The following RALYL variants were observed in gnomAD, a reference collection of about 807,000 sequenced individuals.
RALYL encodes the protein RNA-binding Raly-like protein.
RALYL carries 29 observed loss-of-function variants against 35.1 expected under a neutral mutation model. The ratio of observed to expected loss-of-function variants is 0.83; its 90% CI spans 0.61 to 1.13. The LOEUF (loss-of-function observed/expected upper bound fraction) is 1.13. Among genes scored for constraint, RALYL ranks in the 50% most tolerant of loss-of-function variants. The pLI is 0.00. For synonymous variants in RALYL, 120 were observed against 127.6 expected, an observed-to-expected ratio of 0.94 and a Z score of 0.40; for missense variants, 359 against 360.4, an observed-to-expected ratio of 1.00 and a Z score of 0.03.
intron 6 of RALYL, chr8:84,864,769 C>G (rs948251753): frequency 1.2e-5 from 7 of 605,428 alleles, no homozygotes; most frequent in Middle Eastern, 5.6e-4. Flanking sequence ...AAAACAGGGG[C>G]CCCTGGGCCT....
intron 2 of RALYL, among the ~76,000 whole-genome samples, chr8:84,701,910 G>A (rs1342628496): frequency 6.6e-6 from 1 of 152,100 alleles, no homozygotes; most frequent in Non-Finnish European, 1.5e-5. Context: ...CACCTCACAT[G>A]GCATGTTATG....
chr8:84,841,686 C>T (rs1411752062), intron 4 of RALYL, among the ~76,000 whole-genome samples: 3 of 152,208 alleles, frequency 2.0e-5, no homozygotes, highest in Non-Finnish European at 4.4e-5. Flanking sequence ...CACCACACCA[C>T]CCTTATTCCA....
chr8:84,646,300 G>A (rs1306397332), intron 2 of RALYL, among the ~76,000 whole-genome samples: 1 of 151,320 alleles, frequency 6.6e-6, no homozygotes, highest in African/African-American at 2.4e-5. Flanking sequence ...TTTCAATTCT[G>A]ATATTTAATT....
At chr8:84,244,399 A>G (rs936232087) in intron 1 of RALYL, among the ~76,000 whole-genome samples, 2 of 152,192 alleles carry the variant, frequency 1.3e-5, no homozygotes, top group Admixed American at 6.6e-5. Flanking sequence ...ACAACATTCC[A>G]TTATTTCCCT....
intron 2 of RALYL, among the ~76,000 whole-genome samples, chr8:84,603,599 G>A (rs1816463084): frequency 6.6e-6 from 1 of 152,104 alleles, no homozygotes. Context: ...ACAAGAGGCA[G>A]GAGAAGTGAA....
intron 2 of RALYL, among the ~76,000 whole-genome samples, chr8:84,733,691 T>C (rs1330422159): frequency 6.6e-6 from 1 of 152,204 alleles, no homozygotes; most frequent in Non-Finnish European, 1.5e-5. Flanking sequence ...CTCATCTGTA[T>C]GTTAGTAATA....
intron 4 of RALYL, among the ~76,000 whole-genome samples, chr8:84,848,425 A>T (rs112546315): frequency 7.3e-6 from 1 of 136,536 alleles, no homozygotes; most frequent in Non-Finnish European, 1.7e-5. Context: ...GTATATATAT[A>T]TGTGTGTGTG....
intron 1 of RALYL, among the ~76,000 whole-genome samples, chr8:84,234,368 A>G (rs1171134854): frequency 4.6e-5 from 7 of 152,360 alleles, no homozygotes; most frequent in Admixed American, 1.3e-4. Flanking sequence ...ATAAAATGAC[A>G]TGCTTCTTTT....
chr8:84,353,468 A>G (rs975251981), intron 1 of RALYL, among the ~76,000 whole-genome samples: 20 of 150,480 alleles, frequency 1.3e-4, no homozygotes, highest in Admixed American at 6.6e-5. Flanking sequence ...CAAGACTATA[A>G]CATGCAGCTT....
At chr8:84,669,459 A>T (rs1482395460) in intron 2 of RALYL, among the ~76,000 whole-genome samples, 7 of 128,444 alleles carry the variant, frequency 5.4e-5, no homozygotes, top group Non-Finnish European at 8.1e-5. Context: ...GTAGTTAGTT[A>T]TTCAGCCCAC....
Position 84,681,769 on chromosome 8 carries a change from A to G in RALYL, c.257-92810A>G, listed in dbSNP as rs571931176. Reference sequence around the variant, plus strand: ...GACAATGGGGTTTTCTAAATGTACAATCATGTCATCTGCAAACAGGGACAA... The same window carrying G: ...GACAATGGGGTTTTCTAAATGTACAGTCATGTCATCTGCAAACAGGGACAA... On this transcript the variant is annotated intron_variant, in intron 2 of 8. Coordinates refer to ENST00000521268, the MANE Select transcript of RALYL (RefSeq NM_173848.7). Among the ~76,000 whole-genome samples, 18 of 152,310 alleles carry G rather than the reference A, an allele frequency of 1.2e-4. No individual in the cohort carries two copies. The East Asian group carries it at 3.5e-3, about 29-fold the overall frequency.
chr8:84,819,744 G>A (rs1453447805), intron 4 of RALYL, among the ~76,000 whole-genome samples: 7 of 152,156 alleles, frequency 4.6e-5, no homozygotes, highest in African/African-American at 1.7e-4. Flanking sequence ...GCAATATAGT[G>A]TTACATGGAG....
intron 1 of RALYL, among the ~76,000 whole-genome samples, chr8:84,424,516 T>C (rs1471534125): frequency 6.7e-6 from 1 of 150,044 alleles, no homozygotes; most frequent in Non-Finnish European, 1.5e-5. Flanking sequence ...TAGCTCAGAG[T>C]AATTCGATCG....
rs74452668 is a variant in RALYL at position 84,377,094 on chromosome 8, T to G, written c.-23-152205T>G. On this transcript the variant is annotated intron_variant, in intron 1 of 8. Coordinates refer to ENST00000521268, the MANE Select transcript of RALYL (RefSeq NM_173848.7). ...CTGGTACTGATAGACTAAACAGATA[T>G]ATTTTCTAAATCCTGGAATAATTAT... Among the ~76,000 whole-genome samples the G allele has an allele frequency of 2.4e-4, 37 of 151,992 alleles. No homozygotes were observed. The East Asian group carries it at 6.2e-3, about 26-fold the overall frequency.
intron 1 of RALYL, among the ~76,000 whole-genome samples, chr8:84,270,553 C>CGTGTGTGTGTGT (rs34047869): frequency 2.0e-5 from 3 of 147,244 alleles, no homozygotes; most frequent in South Asian, 2.2e-4. Flanking sequence ...ACATGAAATT[C>CGTGTGTGTGTGT]GTGTGTGTGT....
chr8:84,878,606 G>GAA (rs71273916), intron 7 of RALYL, among the ~76,000 whole-genome samples: 71 of 144,574 alleles, frequency 4.9e-4, no homozygotes, highest in East Asian at 4.3e-3. Flanking sequence ...ACTTCAAAAA[G>GAA]AAAAAAAAAA....
intron 1 of RALYL, among the ~76,000 whole-genome samples, chr8:84,301,113 A>G (rs958864327): frequency 6.6e-6 from 1 of 151,960 alleles, no homozygotes; most frequent in Non-Finnish European, 1.5e-5. Flanking sequence ...TTTTCTGAAA[A>G]GGCTTTTATT....
intron 1 of RALYL, among the ~76,000 whole-genome samples, chr8:84,429,938 T>C (rs1290175621): frequency 6.6e-6 from 1 of 151,918 alleles, no homozygotes; most frequent in Non-Finnish European, 1.5e-5. Context: ...CTCTGCCCAG[T>C]TTTTGCATTT....
chr8:84,680,846 T>C (rs574700366), intron 2 of RALYL, among the ~76,000 whole-genome samples: 1 of 152,134 alleles, frequency 6.6e-6, no homozygotes, highest in South Asian at 2.1e-4. Flanking sequence ...CAGAAGCTCT[T>C]TAGTTTCATT....
Sources: allele counts gnomAD v4.1 joint callset (sites outside exome capture counted in the v4.1 genomes callset), GRCh38; gene constraint gnomAD v4.1.1; transcripts MANE v1.5; gene names NCBI Gene and HGNC (gene_info 2026-07-23, HGNC 2026-07-21).